Variants in UNC5C observed in about 807,000 individuals in gnomAD.
UNC5C encodes the protein unc-5 netrin receptor C, also known as netrin receptor UNC5C.
In UNC5C, 47 loss-of-function variants were observed where a neutral mutation model predicts 99.8. The ratio of observed to expected loss-of-function variants is 0.47; its 90% CI spans 0.37 to 0.60. UNC5C has a LOEUF of 0.60. Among genes scored for constraint, UNC5C ranks in the 20% least tolerant of loss-of-function variants. The pLI, the probability that UNC5C is intolerant of heterozygous loss-of-function variation, is 0.00. For synonymous variants in UNC5C, 487 were observed against 452.2 expected, an observed-to-expected ratio of 1.08 and a Z score of -0.98; for missense variants, 1,062 against 1,165.9, an observed-to-expected ratio of 0.91 and a Z score of 1.30.
At chr4:95,355,221 G>C (rs139024750) in intron 1 of UNC5C, among the ~76,000 whole-genome samples, 6 of 152,060 alleles carry the variant, frequency 3.9e-5, no homozygotes, top group Admixed American at 1.3e-4. Context: ...GCAATGTGGC[G>C]ACAGTGTGTG....
chr4:95,548,971 A>T lies in UNC5C; in HGVS notation c.-114T>A. On this transcript the variant is annotated 5_prime_UTR_variant, in exon 1 of 16. Coordinates refer to ENST00000453304, the MANE Select transcript of UNC5C (RefSeq NM_003728.4). The stretch of plus-strand genomic sequence containing the variant: ...GCACCGCGAAGCAGTCCGAAGAAAT[A>T]ACGACAACCAAGCGCCACACTCCAC... 2 of 1,383,732 alleles carry T rather than the reference A, an allele frequency of 1.4e-6. No homozygotes were observed. The highest frequency in any genetic ancestry group is 2.9e-5 in the African/African-American group (2 of 70,124). 85.7% of individuals were successfully genotyped at this position (1,383,732 alleles called of 1,614,324 possible).
chr4:95,353,309 A>G (rs1744053966), intron 1 of UNC5C, among the ~76,000 whole-genome samples: 1 of 152,152 alleles, frequency 6.6e-6, no homozygotes, highest in African/African-American at 2.4e-5. Flanking sequence ...TGTTTCAAGA[A>G]CTATGAAGAA....
chr4:95,335,226 C>T (rs560152132), intron 2 of UNC5C, among the ~76,000 whole-genome samples, 184 bp downstream of exon 2: 1 of 152,070 alleles, frequency 6.6e-6, no homozygotes, highest in African/African-American at 2.4e-5. Context: ...AAGATTTATT[C>T]ACACCATTTT....
At chr4:95,422,923 C>T (rs1279213159) in intron 1 of UNC5C, among the ~76,000 whole-genome samples, 1 of 152,138 alleles carries the variant, frequency 6.6e-6, no homozygotes, top group Non-Finnish European at 1.5e-5. Context: ...TGGGATTAGG[C>T]ATAGCACATA....
At position 95,200,092 on chromosome 4, in the gene UNC5C, T is replaced by C. The variant is rs1417898504; in HGVS notation, c.2136+2639A>G. 5.3e-5 allele frequency among the ~76,000 whole-genome samples: 8 copies of C among 152,172 alleles called. No homozygotes were observed. The East Asian group carries it at 1.5e-3, about 29-fold the overall frequency. The stretch of plus-strand genomic sequence containing the variant: ...CAGATGATGGCAACAGGCTTCTAGC[T>C]CACCTTCCTGTTTCCACTCGTGCCC... On this transcript the variant is annotated intron_variant, in intron 12 of 15. Coordinates refer to ENST00000453304, the MANE Select transcript of UNC5C (RefSeq NM_003728.4).
chr4:95,393,109 C>T (rs1483739), intron 1 of UNC5C, among the ~76,000 whole-genome samples: 1 of 151,890 alleles, frequency 6.6e-6, no homozygotes, highest in South Asian at 2.1e-4. Context: ...ACTGGCTTAA[C>T]TTTATTATAC....
intron 1 of UNC5C, among the ~76,000 whole-genome samples, chr4:95,496,051 A>G (rs1721623152): frequency 6.6e-6 from 1 of 151,750 alleles, no homozygotes; most frequent in Non-Finnish European, 1.5e-5. Flanking sequence ...TGTTTTGTTA[A>G]TGTCAAAATG....
At chr4:95,500,962 G>T (rs1302784746) in intron 1 of UNC5C, among the ~76,000 whole-genome samples, 1 of 152,028 alleles carries the variant, frequency 6.6e-6, no homozygotes, top group Non-Finnish European at 1.5e-5. Context: ...AGCTATTTTA[G>T]ATACTACTGC....
intron 11 of UNC5C, among the ~76,000 whole-genome samples, chr4:95,204,755 C>T (rs1737813322): frequency 6.6e-6 from 1 of 152,156 alleles, no homozygotes; most frequent in Non-Finnish European, 1.5e-5. Context: ...GGGTGTGTGT[C>T]CCACAACCAT....
intron 1 of UNC5C, among the ~76,000 whole-genome samples, chr4:95,511,990 T>C (rs535293296): frequency 1.3e-5 from 2 of 152,002 alleles, no homozygotes; most frequent in Non-Finnish European, 2.9e-5. Context: ...ACTTGTTAGA[T>C]GCGAAGGAAG....
intron 1 of UNC5C, among the ~76,000 whole-genome samples, chr4:95,514,675 A>G (rs1170548113): frequency 6.7e-6 from 1 of 149,432 alleles, no homozygotes; most frequent in Non-Finnish European, 1.5e-5. Context: ...ATACACATAT[A>G]TATATATTTT....
At chr4:95,398,617 G>A (rs1315098150) in intron 1 of UNC5C, among the ~76,000 whole-genome samples, 1 of 152,118 alleles carries the variant, frequency 6.6e-6, no homozygotes, top group Non-Finnish European at 1.5e-5. Context: ...GTTAGACAAA[G>A]CAATGAAGAT....
chr4:95,396,744 C>T (rs1271387619), intron 1 of UNC5C, among the ~76,000 whole-genome samples: 1 of 152,150 alleles, frequency 6.6e-6, no homozygotes, highest in Non-Finnish European at 1.5e-5. Context: ...ATAAAAACTC[C>T]CATTACTGAA....
In UNC5C at chr4:95,335,521, C is replaced by T; in HGVS notation, c.235G>A (p.Val79Met). 1 of 1,612,430 alleles carries T rather than the reference C, an allele frequency of 6.2e-7. No individual in the cohort carries two copies. The highest frequency in any genetic ancestry group is 1.7e-5 in the Admixed American group (1 of 59,814). The change falls in exon 2 of 16, where the codon GTG becomes ATG. Residue 79 changes from valine to methionine, a missense_variant. By Grantham distance (21) the Val-to-Met change is conservative. Around this residue, in one of 3 missense-constraint regions of UNC5C, gnomAD observed 249 missense variants for 295.1 expected, o/e 0.84. Coordinates refer to ENST00000453304, the MANE Select transcript of UNC5C (RefSeq NM_003728.4). ...EEAYIVKNKP[V>M]NLYCKASPAT... is the part of the protein sequence containing the mutation. ...GGGCTTGCTTTACAGTACAGGTTCA[C>T]GGGCTTATTCTTCACAATATAAGCT...
chr4:95,513,032 A>C (rs566340336), intron 1 of UNC5C, among the ~76,000 whole-genome samples: 23 of 152,322 alleles, frequency 1.5e-4, no homozygotes, highest in Non-Finnish European at 2.8e-4. Context: ...TCTTGGTAGC[A>C]GTTAGCATCA....
intron 1 of UNC5C, among the ~76,000 whole-genome samples, chr4:95,360,314 G>A (rs763971512): frequency 1.3e-3 from 193 of 152,054 alleles, no homozygotes; most frequent in Non-Finnish European, 2.1e-3. Context: ...TAAAATTACT[G>A]GTAATCTGTA....
In UNC5C at chr4:95,275,510, A is replaced by G. The variant is rs542524240; in HGVS notation, c.594+2749T>C. Among the ~76,000 whole-genome samples the G allele has an allele frequency of 8.3e-4, 126 of 152,294 alleles. 1 individual carries two copies. Among genetic ancestry groups the G allele is most frequent in the Non-Finnish European group, 1.5e-3 (103 of 68,022 alleles). Reference sequence around the variant, plus strand: ...TCACAGTATTTAAATACTTTGGCCAAAGTAAAAAATGGTGATGTTTGGGTT... The same window carrying G: ...TCACAGTATTTAAATACTTTGGCCAGAGTAAAAAATGGTGATGTTTGGGTT... On this transcript the variant is annotated intron_variant, in intron 4 of 15. Coordinates refer to ENST00000453304, the MANE Select transcript of UNC5C (RefSeq NM_003728.4).
chr4:95,338,955 C>T (rs1368713382), intron 1 of UNC5C, among the ~76,000 whole-genome samples: 1 of 152,018 alleles, frequency 6.6e-6, no homozygotes, highest in African/African-American at 2.4e-5. Flanking sequence ...GAACATTAAA[C>T]CAAACACTGG....
chr4:95,277,791 G>A (rs911144962), intron 4 of UNC5C, among the ~76,000 whole-genome samples: 1 of 152,136 alleles, frequency 6.6e-6, no homozygotes. Flanking sequence ...TTTTATGCAA[G>A]GTGTGTGGGC....
Sources: allele counts gnomAD v4.1 joint callset (sites outside exome capture counted in the v4.1 genomes callset), GRCh38; gene constraint gnomAD v4.1.1; regional missense constraint gnomAD v4.1.1; transcripts MANE v1.5; gene names NCBI Gene and HGNC (gene_info 2026-07-23, HGNC 2026-07-21).